Variants in GNA14 observed in about 807,000 individuals in gnomAD.
The protein encoded by GNA14 is guanine nucleotide-binding protein subunit alpha-14.
A neutral mutation model predicts 42.0 loss-of-function variants in GNA14; 50 were observed. The observed-to-expected ratio is 1.19, with a 90% CI of 0.95 to 1.51. The LOEUF is 1.51. Among genes scored for constraint, GNA14 ranks in the 40% most tolerant of loss-of-function variants. GNA14 has a pLI of 0.00. For missense variants in GNA14, 473 were observed against 446.2 expected, an observed-to-expected ratio of 1.06 and a Z score of -0.54; for synonymous variants, 173 against 163.1, an observed-to-expected ratio of 1.06 and a Z score of -0.46.
chr9:77,644,668 C>A (rs921708690), intron 1 of GNA14, among the ~76,000 whole-genome samples: 1 of 150,508 alleles, frequency 6.6e-6, no homozygotes, highest in African/African-American at 2.5e-5. Flanking sequence ...GTTATGGCAG[C>A]CCTAGCAAAC....
chr9:77,551,009 C>A (rs1049545856), intron 1 of GNA14, among the ~76,000 whole-genome samples: 10 of 152,210 alleles, frequency 6.6e-5, no homozygotes, highest in African/African-American at 2.4e-4. Flanking sequence ...TGAGGAATAT[C>A]TTCAGGCAGT....
intron 1 of GNA14, among the ~76,000 whole-genome samples, chr9:77,553,928 A>G (rs1012091422): frequency 1.3e-5 from 2 of 152,224 alleles, no homozygotes; most frequent in South Asian, 2.1e-4. Context: ...ACTCTCCACA[A>G]TGGAAATATA....
intron 2 of GNA14, among the ~76,000 whole-genome samples, chr9:77,487,470 A>G (rs1325134385): frequency 2.0e-5 from 3 of 149,520 alleles, no homozygotes; most frequent in African/African-American, 4.9e-5. Flanking sequence ...CCTTATCTAT[A>G]AAATAGGAAT....
intron 2 of GNA14, among the ~76,000 whole-genome samples, chr9:77,476,421 T>C (rs1338251153): frequency 2.6e-5 from 4 of 152,228 alleles, no homozygotes; most frequent in East Asian, 1.9e-4. Context: ...TGGCTCATTG[T>C]TGTCTTCTGA....
At chr9:77,453,942 T>C (rs766989609) in intron 2 of GNA14, among the ~76,000 whole-genome samples, 1 of 152,208 alleles carries the variant, frequency 6.6e-6, no homozygotes, top group Non-Finnish European at 1.5e-5. Flanking sequence ...GCCGATTCCA[T>C]AGCTTGTAAA....
At chr9:77,487,533 T>C (rs1202559522) in intron 2 of GNA14, among the ~76,000 whole-genome samples, 1 of 152,214 alleles carries the variant, frequency 6.6e-6, no homozygotes, top group Non-Finnish European at 1.5e-5. Context: ...GTAAAAGCAC[T>C]TTATAAATGA....
chr9:77,425,550 A>G lies in GNA14; in HGVS notation c.877+12T>C. On this transcript the variant is annotated intron_variant, in intron 6 of 6. Coordinates refer to ENST00000341700, the MANE Select transcript of GNA14 (RefSeq NM_004297.4). ...CAGCACAGAAAACACTGTCCACAAG[A>G]TAGACACTTACCTGTGTATTCTGGG... The G allele has an allele frequency of 2.5e-6, 4 of 1,588,842 alleles. No individual in the cohort carries two copies. The highest frequency in any genetic ancestry group is 3.4e-6 in the Non-Finnish European group (4 of 1,164,058).
intron 1 of GNA14, among the ~76,000 whole-genome samples, chr9:77,568,223 G>C (rs550006302): frequency 6.6e-6 from 1 of 152,232 alleles, no homozygotes; most frequent in African/African-American, 2.4e-5. Context: ...GGCCGAGGTG[G>C]GGGGATCACT....
At chr9:77,611,912 G>A (rs1479291230) in intron 1 of GNA14, among the ~76,000 whole-genome samples, 1 of 152,058 alleles carries the variant, frequency 6.6e-6, no homozygotes, top group Non-Finnish European at 1.5e-5. Flanking sequence ...TCATGATCTA[G>A]AAGTTCCTAA....
At chr9:77,628,405 A>G (rs1488506185) in intron 1 of GNA14, among the ~76,000 whole-genome samples, 1 of 152,226 alleles carries the variant, frequency 6.6e-6, no homozygotes, top group Non-Finnish European at 1.5e-5. Context: ...TTCACATGGA[A>G]GCAAAAAAGA....
intron 2 of GNA14, among the ~76,000 whole-genome samples, chr9:77,460,170 C>A (rs1564020870): frequency 6.6e-6 from 1 of 152,156 alleles, no homozygotes; most frequent in Non-Finnish European, 1.5e-5. Flanking sequence ...TCACTGATGT[C>A]ATTGAAGTAC....
intron 1 of GNA14, among the ~76,000 whole-genome samples, chr9:77,646,966 ACT>A (rs1392179697): frequency 6.6e-6 from 1 of 152,204 alleles, no homozygotes; most frequent in African/African-American, 2.4e-5. Context: ...ACGTGGACAC[ACT>A]GAGTCAAGCT....
chr9:77,600,334 A>G (rs769687806), intron 1 of GNA14, among the ~76,000 whole-genome samples: 1 of 152,230 alleles, frequency 6.6e-6, no homozygotes, highest in Admixed American at 6.5e-5. Flanking sequence ...GAGTTCAAGA[A>G]AGAGCTTTCA....
chr9:77,526,316 T>C (rs1420068245), intron 2 of GNA14, among the ~76,000 whole-genome samples: 1 of 152,136 alleles, frequency 6.6e-6, no homozygotes, highest in South Asian at 2.1e-4. Context: ...AGATGTATGT[T>C]GTACATGGGA....
chr9:77,479,546 C>G (rs555841805), intron 2 of GNA14, among the ~76,000 whole-genome samples: 4 of 152,214 alleles, frequency 2.6e-5, no homozygotes, highest in African/African-American at 7.2e-5. Context: ...GTAGTTTTAT[C>G]CAATTCTTTG....
chr9:77,490,152 CAT>C (rs1836739891), intron 2 of GNA14, among the ~76,000 whole-genome samples: 1 of 149,950 alleles, frequency 6.7e-6, no homozygotes, highest in South Asian at 2.1e-4. Flanking sequence ...CTGAGCTAGA[CAT>C]AAAGGTTCTC....
chr9:77,512,352 T>C (rs1837185591), intron 2 of GNA14, among the ~76,000 whole-genome samples: 1 of 152,240 alleles, frequency 6.6e-6, no homozygotes, highest in Admixed American at 6.5e-5. Flanking sequence ...CTAATATTTA[T>C]TTTTAATTAA....
rs1837263827 is a variant in GNA14 at position 77,516,670 on chromosome 9, A to T, written c.309+12399T>A. Among the ~76,000 whole-genome samples, 3 of 151,612 alleles carry T rather than the reference A, an allele frequency of 2.0e-5. No homozygotes were observed. In the South Asian group the frequency reaches 6.3e-4, roughly 32 times the overall value. Reference sequence around the variant, plus strand: ...GAATCTAGGAGGCGGAGGTTGCAGTAAGCTGAGATGGCACCACTGCACTCC... The same window carrying T: ...GAATCTAGGAGGCGGAGGTTGCAGTTAGCTGAGATGGCACCACTGCACTCC... On this transcript the variant is annotated intron_variant, in intron 2 of 6. Transcript: ENST00000341700.
At chr9:77,621,215 C>T (rs1384630838) in intron 1 of GNA14, among the ~76,000 whole-genome samples, 2 of 152,098 alleles carry the variant, frequency 1.3e-5, no homozygotes, top group East Asian at 1.9e-4. Flanking sequence ...ATTACAGGTG[C>T]GAGTCACTGC....
Sources: gnomAD v4.1 joint callset for allele counts (sites outside exome capture counted in the v4.1 genomes callset) on GRCh38, gnomAD v4.1.1 for gene constraint, MANE v1.5 for transcripts, NCBI Gene and HGNC (gene_info 2026-07-23, HGNC 2026-07-21) for gene names.